MALRD1: variants seen among roughly 807,000 people sequenced by gnomAD.
MALRD1 encodes MAM and LDL-receptor class A domain-containing protein 1.
MALRD1 carries 247 observed loss-of-function variants against 242.1 expected under a neutral mutation model. That is an observed-to-expected ratio of 1.02 (90% CI 0.92 to 1.13). The LOEUF (loss-of-function observed/expected upper bound fraction) is 1.13. Among genes scored for constraint, MALRD1 ranks in the 50% most tolerant of loss-of-function variants. The pLI is 0.00. For synonymous variants in MALRD1, 995 were observed against 866.6 expected (o/e 1.15, Z -2.60); for missense variants, 2,989 against 2,533.1 (o/e 1.18, Z -3.86).
At chr10:19,164,762 C>G (rs748402649) in intron 12 of MALRD1, among the ~76,000 whole-genome samples, 13 of 152,102 alleles carry the variant, frequency 8.5e-5, no homozygotes, top group Non-Finnish European at 1.8e-4. Context: ...GTTAGGGCTA[C>G]TGCTATCAGC....
At chr10:19,385,146 T>C (rs1846023558) in intron 26 of MALRD1, among the ~76,000 whole-genome samples, 1 of 152,090 alleles carries the variant, frequency 6.6e-6, no homozygotes, top group African/African-American at 2.4e-5. Flanking sequence ...CTTAAAGTGC[T>C]GTTGAATTTG....
intron 14 of MALRD1, among the ~76,000 whole-genome samples, chr10:19,192,348 T>C (rs772079188): frequency 6.6e-6 from 1 of 152,216 alleles, no homozygotes; most frequent in Non-Finnish European, 1.5e-5. Context: ...TTTTATGTTA[T>C]GTGTATTTTA....
chr10:19,418,806 AT>A (rs1267827847), intron 28 of MALRD1, among the ~76,000 whole-genome samples: 1 of 152,128 alleles, frequency 6.6e-6, no homozygotes, highest in Non-Finnish European at 1.5e-5. Context: ...GCCTTTCATA[AT>A]TTTTTCTATC....
At chr10:19,148,338 A>G (rs1376669613) in intron 11 of MALRD1, among the ~76,000 whole-genome samples, 2 of 152,064 alleles carry the variant, frequency 1.3e-5, no homozygotes, top group Admixed American at 6.6e-5. Context: ...CCATGTCTAA[A>G]TATTAGGGTG....
At chr10:19,717,695 G>A (rs2131892363) in intron 38 of MALRD1, among the ~76,000 whole-genome samples, 2 of 152,262 alleles carry the variant, frequency 1.3e-5, no homozygotes, top group East Asian at 3.9e-4. Context: ...GCCTGTGTTA[G>A]GCCATTTTTG....
chr10:19,084,139 A>G lies in MALRD1; in HGVS notation c.341-3701A>G, dbSNP rs576870187. Reference sequence around the variant, plus strand: ...TATTTTAGGGTATTCTTTAAGTGATACCATTTTAGCAAATATTACCTGGTT... The same window carrying G: ...TATTTTAGGGTATTCTTTAAGTGATGCCATTTTAGCAAATATTACCTGGTT... On this transcript the variant is annotated intron_variant, in intron 2 of 39. Coordinates refer to ENST00000454679, the MANE Select transcript of MALRD1 (RefSeq NM_001142308.3). 2.0e-5 allele frequency among the ~76,000 whole-genome samples: 3 copies of G among 152,104 alleles called. No individual in the cohort carries two copies. The East Asian group carries it at 5.8e-4, about 30-fold the overall frequency.
At chr10:19,430,278 C>T (rs1306272275) in intron 28 of MALRD1, among the ~76,000 whole-genome samples, 1 of 151,372 alleles carries the variant, frequency 6.6e-6, no homozygotes, top group African/African-American at 2.4e-5. Context: ...CCATGCCCGG[C>T]TAATTTTGTT....
At chr10:19,516,539 G>A (rs532603860) in intron 31 of MALRD1, among the ~76,000 whole-genome samples, 3 of 152,052 alleles carry the variant, frequency 2.0e-5, no homozygotes, top group Non-Finnish European at 4.4e-5. Flanking sequence ...TGCTTTCCTA[G>A]ATGACTAAAT....
At chr10:19,572,722 T>C (rs1245297087) in intron 33 of MALRD1, among the ~76,000 whole-genome samples, 3 of 152,098 alleles carry the variant, frequency 2.0e-5, no homozygotes, top group Non-Finnish European at 4.4e-5. Flanking sequence ...TAATCCAATA[T>C]GACCAATGTC....
At chr10:19,488,807 G>A (rs1354954075) in intron 29 of MALRD1, 2 of 330,514 alleles carry the variant, frequency 6.1e-6, no homozygotes, top group South Asian at 4.9e-5. Context: ...CCTGTACAAC[G>A]ATGGAAAGGT....
At chr10:19,478,142 A>C (rs946836343) in intron 29 of MALRD1, among the ~76,000 whole-genome samples, 2 of 152,222 alleles carry the variant, frequency 1.3e-5, no homozygotes, top group Non-Finnish European at 2.9e-5. Flanking sequence ...ATCAAAATAA[A>C]TCAACTCTAT....
At chr10:19,441,234 A>G (rs1309376168) in intron 28 of MALRD1, among the ~76,000 whole-genome samples, 3 of 152,022 alleles carry the variant, frequency 2.0e-5, no homozygotes, top group Non-Finnish European at 4.4e-5. Flanking sequence ...TAGATTCTGG[A>G]TATTAGTCCT....
At position 19,498,521 on chromosome 10, in the gene MALRD1, A is replaced by C. The variant is rs770636820; in HGVS notation, c.5195A>C (p.Glu1732Ala). ...YTSTTGSCNF[E>A]TSSGNWTTAC... The stretch of plus-strand genomic sequence containing the variant: ...AGCACAACAGGAAGCTGCAATTTTG[A>C]AACAAGTTCAGGAAACTGGACCACA... The change falls in exon 31 of 40, where the codon GAA (glutamate) becomes GCA (alanine). Residue 1732 changes from glutamate (E) to alanine (A), a missense_variant. Coordinates refer to ENST00000454679, the MANE Select transcript of MALRD1 (RefSeq NM_001142308.3). 3 of 1,550,248 alleles carry C rather than the reference A, an allele frequency of 1.9e-6. No homozygotes were observed. The highest frequency in any genetic ancestry group is 2.6e-6 in the Non-Finnish European group (3 of 1,146,836).
Position 19,197,536 on chromosome 10 carries a change from C to G in MALRD1, c.1952-6192C>G, listed in dbSNP as rs551992087. ...GTGACACCCTGGTCTCTGAATACAT[C>G]TGAAACATGAGAAGCATGCTATGGC... is the stretch of plus-strand genomic sequence containing the variant. On this transcript the variant is annotated intron_variant, in intron 14 of 39. Transcript: ENST00000454679. 3.3e-5 allele frequency among the ~76,000 whole-genome samples: 5 copies of G among 152,244 alleles called. No homozygotes were observed. The South Asian group carries it at 8.3e-4, about 25-fold the overall frequency.
intron 28 of MALRD1, among the ~76,000 whole-genome samples, chr10:19,426,874 A>T (rs571692297): frequency 7.4e-4 from 113 of 152,056 alleles, no homozygotes; most frequent in African/African-American, 2.1e-3. Flanking sequence ...TTTTATATAT[A>T]TTTTTTTCCT....
intron 36 of MALRD1, among the ~76,000 whole-genome samples, chr10:19,675,754 G>A (rs1842112188): frequency 6.6e-6 from 1 of 152,162 alleles, no homozygotes; most frequent in Non-Finnish European, 1.5e-5. Context: ...AAATATTGAT[G>A]GACAAGCTTG....
At chr10:19,266,640 T>C (rs534250578) in intron 19 of MALRD1, among the ~76,000 whole-genome samples, 9 of 151,998 alleles carry the variant, frequency 5.9e-5, no homozygotes, top group African/African-American at 1.4e-4. Context: ...TAACTCTAAA[T>C]ACTAAAAGAT....
intron 19 of MALRD1, among the ~76,000 whole-genome samples, chr10:19,264,432 A>AT (rs961409187): frequency 1.5e-4 from 21 of 143,494 alleles, no homozygotes; most frequent in African/African-American, 3.6e-4. Flanking sequence ...ATCAGGCTGA[A>AT]TTTTTTTTTC....
At chr10:19,255,556 G>T in intron 18 of MALRD1, among the ~76,000 whole-genome samples, 1 of 151,918 alleles carries the variant, frequency 6.6e-6, no homozygotes. Flanking sequence ...TTATCAAAAA[G>T]TCTTTTAAAA....
Sources: allele counts gnomAD v4.1 joint callset (sites outside exome capture counted in the v4.1 genomes callset), GRCh38; gene constraint gnomAD v4.1.1; transcripts MANE v1.5; gene names NCBI Gene and HGNC (gene_info 2026-07-23, HGNC 2026-07-21).